PTPRT: variants seen among roughly 807,000 people sequenced by gnomAD.
The protein encoded by PTPRT is receptor-type tyrosine-protein phosphatase T.
PTPRT carries 56 observed loss-of-function variants against 176.8 expected under a neutral mutation model. That is an observed-to-expected ratio of 0.32 (90% CI 0.26 to 0.40). PTPRT has a LOEUF of 0.40. PTPRT is among the 10% of genes least tolerant of loss of function. PTPRT has a pLI of 1.00. For synonymous variants in PTPRT, 783 were observed against 739.0 expected (o/e 1.06, Z -0.96); for missense variants, 1,540 against 1,908.2 (o/e 0.81, Z 3.60).
intron 2 of PTPRT, among the ~76,000 whole-genome samples, chr20:42,868,876 A>T (rs2078796270): frequency 2.6e-5 from 4 of 152,162 alleles, no homozygotes; most frequent in Non-Finnish European, 5.9e-5. Context: ...GCTCTGTGCC[A>T]CCTCAAGTCT....
Position 43,189,693 on chromosome 20 carries a change from C to G in PTPRT, c.41G>C (p.Arg14Thr), listed in dbSNP as rs2015492613. Residue 14 changes from arginine (R) to threonine (T), a missense_variant, in exon 1 of 31, where the codon AGG becomes ACG. Transcript: ENST00000373187. This position sits in a 1 kb window ranked among gnomAD's most constrained non-coding sequence, Gnocchi z 5.0. ...LAALALSLLLRLQLPPLPGAR... is the reference protein window; with the variant it reads ...LAALALSLLLTLQLPPLPGAR... ...GCCGGGCAGTGGCGGCAGCTGCAGCCTCAGGAGCAGGCTGAGGGCGAGCGC... is the reference window on the plus strand; with the variant it reads ...GCCGGGCAGTGGCGGCAGCTGCAGCGTCAGGAGCAGGCTGAGGGCGAGCGC... The G allele has an allele frequency of 1.5e-6, 2 of 1,320,814 alleles. No homozygotes were observed. The highest frequency in any genetic ancestry group is 3.1e-5 in the African/African-American group (2 of 64,676). 81.8% of individuals were successfully genotyped at this position (1,320,814 alleles called of 1,614,324 possible). A position where few individuals can be genotyped will look rare whatever the true frequency, so the allele number is the denominator to read the frequency against.
At chr20:42,435,469 C>T (rs1372103016) in intron 9 of PTPRT, among the ~76,000 whole-genome samples, 1 of 152,058 alleles carries the variant, frequency 6.6e-6, no homozygotes, top group Non-Finnish European at 1.5e-5. Flanking sequence ...GCAATAGGAA[C>T]TCTGCGTGCA....
At chr20:43,039,336 A>C (rs1232842518) in intron 1 of PTPRT, among the ~76,000 whole-genome samples, 1 of 140,220 alleles carries the variant, frequency 7.1e-6, no homozygotes, top group South Asian at 2.1e-4. Flanking sequence ...ACAACTAGCT[A>C]TCTTCTTGAA....
At chr20:42,265,492 A>G (rs1452793552) in intron 13 of PTPRT, among the ~76,000 whole-genome samples, 2 of 152,042 alleles carry the variant, frequency 1.3e-5, no homozygotes, top group Non-Finnish European at 1.5e-5. Context: ...TTGCTGTTAT[A>G]TTTTTCTTTT....
intron 7 of PTPRT, among the ~76,000 whole-genome samples, chr20:42,541,241 A>G (rs756278573): frequency 1.3e-5 from 2 of 152,200 alleles, no homozygotes; most frequent in Non-Finnish European, 2.9e-5. Flanking sequence ...TATGTGAAAA[A>G]TGAACAACCA....
At chr20:43,156,373 T>C (rs1162332970) in intron 1 of PTPRT, among the ~76,000 whole-genome samples, 1 of 152,158 alleles carries the variant, frequency 6.6e-6, no homozygotes, top group Non-Finnish European at 1.5e-5. Context: ...TGTGGTTTCC[T>C]GGGAAGTTAA....
At chr20:43,149,555 G>A (rs1331794948) in intron 1 of PTPRT, among the ~76,000 whole-genome samples, 2 of 152,212 alleles carry the variant, frequency 1.3e-5, no homozygotes, top group Non-Finnish European at 2.9e-5. Flanking sequence ...ACTGGGCTGT[G>A]TCCCTTATCA....
chr20:42,228,978 T>C (rs994677242), intron 15 of PTPRT, among the ~76,000 whole-genome samples: 2 of 152,174 alleles, frequency 1.3e-5, no homozygotes, highest in African/African-American at 4.8e-5. Context: ...ATATGGTCCA[T>C]GGAAATTGGA....
intron 1 of PTPRT, among the ~76,000 whole-genome samples, chr20:43,120,000 G>A (rs931300086): frequency 2.6e-5 from 4 of 152,070 alleles, no homozygotes; most frequent in Admixed American, 2.6e-4. Flanking sequence ...TTGTTTCAGT[G>A]GTGTGATCAT....
chr20:42,395,208 C>T (rs1245783154), intron 9 of PTPRT, among the ~76,000 whole-genome samples: 3 of 152,174 alleles, frequency 2.0e-5, no homozygotes, highest in Non-Finnish European at 1.5e-5. Context: ...CCTCCACGCT[C>T]TCCTCACTCT....
At chr20:42,439,137 G>C (rs1266205379) in intron 9 of PTPRT, among the ~76,000 whole-genome samples, 5 of 152,162 alleles carry the variant, frequency 3.3e-5, no homozygotes, top group Non-Finnish European at 7.4e-5. Context: ...GTTTCTGGAG[G>C]GGAAACATCT....
intron 9 of PTPRT, among the ~76,000 whole-genome samples, chr20:42,393,040 T>C (rs2058815840): frequency 6.6e-6 from 1 of 152,196 alleles, no homozygotes; most frequent in Non-Finnish European, 1.5e-5. Context: ...CTAATGGTGA[T>C]AAACTGAAGG....
intron 1 of PTPRT, among the ~76,000 whole-genome samples, chr20:42,979,263 GT>G (rs2146082326): frequency 6.6e-6 from 1 of 152,004 alleles, no homozygotes; most frequent in South Asian, 2.1e-4. Flanking sequence ...GCTTATTAGT[GT>G]TCTTTATATA....
intron 13 of PTPRT, 137 bp downstream of exon 13, chr20:42,282,352 A>C: frequency 1.2e-6 from 1 of 837,992 alleles, no homozygotes; most frequent in Non-Finnish European, 1.9e-6. Flanking sequence ...TATGTTCTAG[A>C]TGCAAATGAC....
chr20:42,448,121 C>T, intron 9 of PTPRT, 99 bp downstream of exon 9: 1 of 929,954 alleles, frequency 1.1e-6, no homozygotes, highest in South Asian at 1.4e-5. Flanking sequence ...TCATCTTACT[C>T]ACCTTTATAC....
At chr20:43,004,579 A>G (rs1052084328) in intron 1 of PTPRT, among the ~76,000 whole-genome samples, 2 of 152,196 alleles carry the variant, frequency 1.3e-5, no homozygotes, top group Admixed American at 6.5e-5. Context: ...ACTGCCACCA[A>G]TTGTGCTGCA....
chr20:43,048,683 C>A (rs1163013020), intron 1 of PTPRT, among the ~76,000 whole-genome samples: 2 of 152,110 alleles, frequency 1.3e-5, no homozygotes, highest in African/African-American at 2.4e-5. Context: ...TTTCTAAATT[C>A]TCCTGGGGAA....
chr20:42,539,912 A>G (rs1415884085), intron 7 of PTPRT, among the ~76,000 whole-genome samples: 3 of 152,020 alleles, frequency 2.0e-5, no homozygotes, highest in African/African-American at 4.8e-5. Flanking sequence ...TACAGAACCA[A>G]TCCAACAGTT....
chr20:42,870,954 CTTT>C (rs61532865), intron 2 of PTPRT, among the ~76,000 whole-genome samples: 1 of 140,410 alleles, frequency 7.1e-6, no homozygotes, highest in Non-Finnish European at 1.6e-5. Flanking sequence ...ATTTTCTTTT[CTTT>C]TTTTTTTTTT....
Sources: allele counts gnomAD v4.1 joint callset (sites outside exome capture counted in the v4.1 genomes callset), GRCh38; gene constraint gnomAD v4.1.1; non-coding constraint Gnocchi (gnomAD v3.1); transcripts MANE v1.5; gene names NCBI Gene and HGNC (gene_info 2026-07-23, HGNC 2026-07-21).